The following TYW1B variants were observed in gnomAD, a reference collection of about 807,000 sequenced individuals.
TYW1B encodes the protein tRNA-yW synthesizing protein 1 homolog B, also known as S-adenosyl-L-methionine-dependent tRNA 4-demethylwyosine synthase TYW1B.
In TYW1B, 73 loss-of-function variants were observed where a neutral mutation model predicts 86.9. That is an observed-to-expected ratio of 0.84 (90% CI 0.70 to 1.02). The LOEUF is 1.02. Ranked by LOEUF, TYW1B falls within the 50% of genes least tolerant of loss-of-function variation. TYW1B has a pLI of 0.00. For synonymous variants in TYW1B, 248 were observed against 292.8 expected, an observed-to-expected ratio of 0.85 and a Z score of 1.56; for missense variants, 637 against 827.4, an observed-to-expected ratio of 0.77 and a Z score of 2.82.
rs782732244 is a variant in TYW1B, at chr7:72,713,776, T to C, written c.1215A>G (p.Glu405=). 4.4e-6 allele frequency: 7 copies of C among 1,595,912 alleles called. No homozygotes were observed. The highest frequency in any genetic ancestry group is 6.0e-6 in the Non-Finnish European group (7 of 1,168,312). Residue 405 remains glutamate, a synonymous_variant, in exon 10 of 14, where the codon GAA becomes GAG. Transcript: ENST00000620995. ...TTACCGTCATTCCTTCTTCAAAGCG[T>C]TCTGCTTTGACGCCCGGTACTCCTG... ...QFKGVPGVKA[E]RFEEGMTVKH...
At chr7:72,639,655 G>A (rs1812756336) in intron 11 of TYW1B, among the ~76,000 whole-genome samples, 1 of 152,120 alleles carries the variant, frequency 6.6e-6, no homozygotes, top group African/African-American at 2.4e-5. Context: ...CCTGAGGTCA[G>A]GAGTTCAAGA....
Position 72,749,488 on chromosome 7 carries a change from T to C in TYW1B, c.965-4887A>G, listed in dbSNP as rs191553221. Among the ~76,000 whole-genome samples the C allele has an allele frequency of 2.0e-5, 3 of 152,112 alleles. No homozygotes were observed. In the East Asian group the frequency reaches 5.8e-4, roughly 29 times the overall value. Reference sequence around the variant, plus strand: ...TTTTGTATTTTTAGTAGAGACGGGGTTCACTGTATTAGCCAGGATGGTCTC... The same window carrying C: ...TTTTGTATTTTTAGTAGAGACGGGGCTCACTGTATTAGCCAGGATGGTCTC... On this transcript the variant is annotated intron_variant, in intron 7 of 13. Transcript: ENST00000620995.
chr7:72,598,042 T>C (rs1554432972), intron 13 of TYW1B, among the ~76,000 whole-genome samples: 1 of 152,056 alleles, frequency 6.6e-6, no homozygotes, highest in African/African-American at 2.4e-5. Context: ...TTGATTGTAT[T>C]GAAGGACACA....
At chr7:72,602,881 CACACAA>C (rs1554434054) in intron 13 of TYW1B, among the ~76,000 whole-genome samples, 1 of 129,928 alleles carries the variant, frequency 7.7e-6, no homozygotes, top group African/African-American at 2.8e-5. Context: ...CACACACACA[CACACAA>C]TGTTGATGGG....
At chr7:72,610,599 G>T (rs1811909761) in intron 13 of TYW1B, among the ~76,000 whole-genome samples, 1 of 152,090 alleles carries the variant, frequency 6.6e-6, no homozygotes, top group Admixed American at 6.6e-5. Context: ...GGGTGAAACA[G>T]TTGCTGGACC....
chr7:72,597,023 A>G (rs1310886811), intron 13 of TYW1B, among the ~76,000 whole-genome samples: 3 of 152,094 alleles, frequency 2.0e-5, no homozygotes, highest in Non-Finnish European at 2.9e-5. Flanking sequence ...TTAGGCAAAT[A>G]TAAGTCAAAA....
chr7:72,718,643 G>A (rs1200123498), intron 9 of TYW1B, among the ~76,000 whole-genome samples: 1 of 152,018 alleles, frequency 6.6e-6, no homozygotes, highest in Non-Finnish European at 1.5e-5. Context: ...AATTTTTTAG[G>A]TTATTGAAAT....
intron 5 of TYW1B, 73 bp downstream of exon 5, chr7:72,806,993 G>A: frequency 6.5e-7 from 1 of 1,540,256 alleles, no homozygotes; most frequent in Non-Finnish European, 8.8e-7. Context: ...ATGGTTTATT[G>A]AGGAAGAGCT....
intron 11 of TYW1B, among the ~76,000 whole-genome samples, chr7:72,637,501 T>C (rs1472841080): frequency 1.3e-5 from 2 of 152,154 alleles, no homozygotes; most frequent in Non-Finnish European, 2.9e-5. Flanking sequence ...TAACATTACT[T>C]ATTTGTACCA....
intron 13 of TYW1B, among the ~76,000 whole-genome samples, chr7:72,592,362 A>G (rs34459241): frequency 5.3e-5 from 8 of 152,158 alleles, no homozygotes; most frequent in East Asian, 1.9e-4. Context: ...TGTTAAATGC[A>G]ATGTCCATTG....
chr7:72,685,783 A>G (rs1385588906), intron 11 of TYW1B, among the ~76,000 whole-genome samples: 2 of 152,192 alleles, frequency 1.3e-5, no homozygotes, highest in Admixed American at 1.3e-4. Flanking sequence ...CAAAGGCATG[A>G]CCCATGAGAG....
At chr7:72,721,148 T>C (rs540723618) in intron 9 of TYW1B, among the ~76,000 whole-genome samples, 47 of 152,316 alleles carry the variant, frequency 3.1e-4, no homozygotes, top group Middle Eastern at 3.4e-3. Context: ...CAGTCTATCA[T>C]TGATGGACAT....
chr7:72,783,383 C>A (rs1485965122), intron 6 of TYW1B, among the ~76,000 whole-genome samples: 737 of 113,134 alleles, frequency 6.5e-3, no homozygotes, highest in East Asian at 7.6e-3. Flanking sequence ...GACTTCATCT[C>A]AAAAAAAAAA....
intron 11 of TYW1B, among the ~76,000 whole-genome samples, chr7:72,672,610 G>A (rs1554446573): frequency 2.0e-5 from 3 of 152,086 alleles, no homozygotes; most frequent in East Asian, 1.9e-4. Context: ...GGCAGTACTC[G>A]AGGGATGTAG....
chr7:72,804,708 T>C (rs1788464061), intron 5 of TYW1B, among the ~76,000 whole-genome samples: 1 of 151,958 alleles, frequency 6.6e-6, no homozygotes, highest in South Asian at 2.1e-4. Flanking sequence ...GGCATGATGG[T>C]GCATGCCTGT....
At chr7:72,675,932 C>G (rs1237077303) in intron 11 of TYW1B, among the ~76,000 whole-genome samples, 1 of 152,076 alleles carries the variant, frequency 6.6e-6, no homozygotes, top group African/African-American at 2.4e-5. Flanking sequence ...CCATGAAAAT[C>G]TTAACATCAC....
intron 11 of TYW1B, among the ~76,000 whole-genome samples, chr7:72,638,709 GA>G (rs1554441097): frequency 6.6e-6 from 1 of 152,214 alleles, no homozygotes; most frequent in Non-Finnish European, 1.5e-5. Context: ...TTGGAAGAAA[GA>G]AATAAAACGG....
intron 11 of TYW1B, among the ~76,000 whole-genome samples, chr7:72,686,827 T>C (rs1814017519): frequency 6.6e-6 from 1 of 152,070 alleles, no homozygotes; most frequent in Non-Finnish European, 1.5e-5. Context: ...GGAAAATCTC[T>C]GAACCCTCTG....
At chr7:72,791,857 T>C (rs567117690) in intron 6 of TYW1B, among the ~76,000 whole-genome samples, 1 of 152,300 alleles carries the variant, frequency 6.6e-6, no homozygotes, top group African/African-American at 2.4e-5. Context: ...TCTGTATCCT[T>C]TCCTCTATAC....
Sources: gnomAD v4.1 joint callset for allele counts (sites outside exome capture counted in the v4.1 genomes callset) on GRCh38, gnomAD v4.1.1 for gene constraint, MANE v1.5 for transcripts, NCBI Gene and HGNC (gene_info 2026-07-23, HGNC 2026-07-21) for gene names.